The following MROH7 variants were observed in gnomAD, a reference collection of about 807,000 sequenced individuals.
MROH7 encodes maestro heat-like repeat-containing protein family member 7.
In MROH7, 113 loss-of-function variants were observed where a neutral mutation model predicts 129.2. The ratio of observed to expected loss-of-function variants is 0.87; its 90% confidence interval spans 0.75 to 1.02. MROH7 has a LOEUF of 1.02. Ranked by LOEUF, MROH7 falls within the 50% of genes least tolerant of loss-of-function variation. MROH7 has a pLI of 0.00. For synonymous variants in MROH7, 655 were observed against 667.9 expected, an observed-to-expected ratio of 0.98 and a Z score of 0.30; for missense variants, 1,601 against 1,671.3, an observed-to-expected ratio of 0.96 and a Z score of 0.73.
intron 1 of MROH7, among the ~76,000 whole-genome samples, chr1:54,646,792 C>A (rs1644473846): frequency 1.3e-5 from 2 of 152,152 alleles, no homozygotes; most frequent in Non-Finnish European, 2.9e-5. Flanking sequence ...CTTACCATTC[C>A]CTGCTTTCCC....
At chr1:54,696,092 G>GC (rs1477295413) in intron 17 of MROH7, among the ~76,000 whole-genome samples, 1 of 152,086 alleles carries the variant, frequency 6.6e-6, no homozygotes, top group Non-Finnish European at 1.5e-5. Flanking sequence ...TATCTTCCAA[G>GC]CATGTTCTAA....
intron 6 of MROH7, 91 bp downstream of exon 6, chr1:54,670,667 A>AAAC: frequency 1.0e-6 from 1 of 960,106 alleles, no homozygotes; most frequent in African/African-American, 1.9e-5. Flanking sequence ...CCCTCCCCCA[A>AAAC]CCCGCCCCCA....
chr1:54,697,453 T>C (rs1645341517), intron 17 of MROH7: 2 of 475,554 alleles, frequency 4.2e-6, no homozygotes, highest in Non-Finnish European at 3.8e-6. Flanking sequence ...ACCAGCAGAA[T>C]GTGTCACCTC....
Position 54,653,706 on chromosome 1 carries a change from A to G in MROH7, c.780A>G (p.Ser260=). 1 of 1,614,182 alleles carries G rather than the reference A, an allele frequency of 6.2e-7. No homozygotes were observed. The highest frequency in any genetic ancestry group is 2.2e-5 in the East Asian group (1 of 44,890). Residue 260 remains serine (S), a synonymous_variant, in exon 3 of 24, where the codon TCA becomes TCG. Transcript: ENST00000421030. ...CACATAATATCTCTGAGTCTGTTTC[A>G]AAAGGAGCCTTTAGTACCACCTGGA... ...LASHNISESV[S]KGAFSTTWST...
At chr1:54,677,490 C>T (rs1448673858) in intron 10 of MROH7, among the ~76,000 whole-genome samples, 4 of 152,194 alleles carry the variant, frequency 2.6e-5, no homozygotes, top group East Asian at 1.9e-4. Flanking sequence ...CCACTGCCCA[C>T]GGCCACTCTC....
chr1:54,696,236 A>G (rs945973099), intron 17 of MROH7, among the ~76,000 whole-genome samples: 19 of 152,308 alleles, frequency 1.2e-4, no homozygotes, highest in Non-Finnish European at 2.2e-4. Context: ...ACAGCTTGTA[A>G]GTGGCAGATC....
chr1:54,655,893 ATT>A (rs372850123), intron 3 of MROH7, among the ~76,000 whole-genome samples: 48,934 of 132,982 alleles, frequency 0.37, 8,534 homozygotes, highest in South Asian at 0.53. Context: ...ACTTTATAGT[ATT>A]TTTTTTTTTT....
chr1:54,701,589 T>C (rs1470630990), intron 19 of MROH7, among the ~76,000 whole-genome samples: 1 of 152,220 alleles, frequency 6.6e-6, no homozygotes, highest in South Asian at 2.1e-4. Flanking sequence ...GAGGGGGTAC[T>C]TTCTTTTTAA....
intron 14 of MROH7, among the ~76,000 whole-genome samples, chr1:54,685,694 GC>G (rs1039735490): frequency 3.3e-5 from 5 of 152,182 alleles, no homozygotes; most frequent in African/African-American, 1.2e-4. Context: ...CTTGCTCAAG[GC>G]TGGTGTTGTT....
intron 1 of MROH7, among the ~76,000 whole-genome samples, chr1:54,649,924 A>T (rs1269193022): frequency 1.3e-5 from 2 of 152,238 alleles, no homozygotes; most frequent in East Asian, 3.9e-4. Context: ...TCTGGTGCTG[A>T]TGGTAAGTGA....
At chr1:54,668,601 G>C (rs1337031877) in intron 4 of MROH7, among the ~76,000 whole-genome samples, 1 of 152,150 alleles carries the variant, frequency 6.6e-6, no homozygotes, top group Non-Finnish European at 1.5e-5. Flanking sequence ...TGGAGAAGGG[G>C]GGAGTACTTT....
At chr1:54,701,648 T>A (rs1214211618) in intron 19 of MROH7, among the ~76,000 whole-genome samples, 1 of 152,206 alleles carries the variant, frequency 6.6e-6, no homozygotes, top group Admixed American at 6.5e-5. Context: ...TGGCAAGATC[T>A]CAGCTCGACC....
intron 13 of MROH7, among the ~76,000 whole-genome samples, chr1:54,680,930 G>T (rs1198051989): frequency 1.3e-5 from 2 of 152,030 alleles, no homozygotes; most frequent in African/African-American, 2.4e-5. Context: ...ACCCTTTCTG[G>T]CTGTACTCCC....
Position 54,701,225 on chromosome 1 carries a change from A to G in MROH7, c.3188A>G (p.His1063Arg). 1 of 1,614,232 alleles carries G rather than the reference A, an allele frequency of 6.2e-7. No individual in the cohort carries two copies. The highest frequency in any genetic ancestry group is 8.5e-7 in the Non-Finnish European group (1 of 1,180,030). ...GGGATGCTGGTGGTGGAAGCGGTCC[A>G]CAACCTCAAGGCTGTCTTCAAGGGG... ...MDGMLVVEAV[H>R]NLKAVFKGRD... The change falls in exon 19 of 24, where the codon CAC becomes CGC. Residue 1063 changes from histidine (H) to arginine (R), a missense_variant. Coordinates refer to ENST00000421030, the MANE Select transcript of MROH7 (RefSeq NM_001039464.4).
chr1:54,692,384 C>T (rs1294194370), intron 15 of MROH7, 40 bp from the exon 16 acceptor site: 5 of 1,608,828 alleles, frequency 3.1e-6, no homozygotes, highest in Non-Finnish European at 4.2e-6. Context: ...CCTGCTAGGG[C>T]CCAGGTAGGC....
At chr1:54,689,092 G>A (rs1403372579) in intron 15 of MROH7, among the ~76,000 whole-genome samples, 1 of 152,224 alleles carries the variant, frequency 6.6e-6, no homozygotes, top group Non-Finnish European at 1.5e-5. Context: ...CAGAACCCAT[G>A]ATAGTGACCT....
At position 54,702,079 on chromosome 1, in the gene MROH7, G is replaced by C; in HGVS notation, c.3286-11G>C. 6.3e-7 allele frequency: 1 copy of C among 1,580,772 alleles called. No homozygotes were observed. ...AGGAGGGACCCCCTCTGAGCCTTTG[G>C]TCTTCCCCAGGCACGAGAGGTCGTG... is the stretch of plus-strand genomic sequence containing the variant. On this transcript the variant is annotated splice_polypyrimidine_tract_variant and intron_variant, in intron 19 of 23. Coordinates refer to ENST00000421030, the MANE Select transcript of MROH7 (RefSeq NM_001039464.4).
At chr1:54,695,555 C>T (rs1432687031) in intron 17 of MROH7, 65 bp downstream of exon 17, 2 of 964,138 alleles carry the variant, frequency 2.1e-6, no homozygotes, top group Non-Finnish European at 3.3e-6. Context: ...CGTCACTGGT[C>T]ATTTCTCCTA....
At chr1:54,682,575 C>T in intron 13 of MROH7, 81 bp from the exon 14 acceptor site, 2 of 1,429,676 alleles carry the variant, frequency 1.4e-6, no homozygotes, top group Non-Finnish European at 1.9e-6. Context: ...ATCTTACCTT[C>T]CCCCTCCCAA....
Sources: gnomAD v4.1 joint callset for allele counts (sites outside exome capture counted in the v4.1 genomes callset) on GRCh38, gnomAD v4.1.1 for gene constraint, MANE v1.5 for transcripts, NCBI Gene and HGNC (gene_info 2026-07-23, HGNC 2026-07-21) for gene names.